The following PLCL1 variants were observed in gnomAD, a reference collection of about 807,000 sequenced individuals.
PLCL1 encodes the protein inactive phospholipase C-like protein 1.
In PLCL1, 41 loss-of-function variants were observed where a neutral mutation model predicts 84.4. That is an observed-to-expected ratio of 0.49 (90% CI 0.38 to 0.63). The LOEUF (loss-of-function observed/expected upper bound fraction) is 0.63, where lower values mean the gene tolerates loss of function less well. Ranked by LOEUF, PLCL1 falls within the 30% of genes least tolerant of loss-of-function variation. PLCL1 has a pLI of 0.00. For synonymous variants in PLCL1, 490 were observed against 488.3 expected, an observed-to-expected ratio of 1.00 and a Z score of -0.05; for missense variants, 1,206 against 1,367.8, an observed-to-expected ratio of 0.88 and a Z score of 1.87.
At chr2:197,977,725 G>A (rs1203608095) in intron 1 of PLCL1, among the ~76,000 whole-genome samples, 1 of 152,110 alleles carries the variant, frequency 6.6e-6, no homozygotes, top group African/African-American at 2.4e-5. Context: ...CCTCTAGTGG[G>A]TCCCTGAAGT....
chr2:197,915,420 A>G (rs1688576506), intron 1 of PLCL1, among the ~76,000 whole-genome samples: 1 of 152,110 alleles, frequency 6.6e-6, no homozygotes, highest in African/African-American at 2.4e-5. Context: ...TCAAGTGTGA[A>G]AGAGAGGAAG....
chr2:198,084,198 G>A lies in PLCL1; in HGVS notation c.681G>A (p.Gln227=), dbSNP rs1202110274. 5.6e-6 allele frequency: 9 copies of A among 1,614,128 alleles called. No homozygotes were observed. The highest frequency in any genetic ancestry group is 7.6e-6 in the Non-Finnish European group (9 of 1,179,996). ...GGTACCTGGTTTCTCGAAGTAAGCA[G>A]CCTCTTGATTTTATGGAGGGCAACC... ...GLRYLVSRSK[Q]PLDFMEGNQN... is the part of the protein sequence containing the mutation. Residue 227 remains glutamine, a synonymous_variant, in exon 2 of 6, where the codon CAG becomes CAA. Coordinates refer to ENST00000428675, the MANE Select transcript of PLCL1 (RefSeq NM_006226.4).
rs891995142 is a variant in PLCL1, at chr2:198,060,779, A to AT, written c.241-22971dup. ...CTGTTTGTTTAAAGAAATAATGTTG[A>AT]TTTTTTTTGTTATAAAATAGTGGTA... is the stretch of plus-strand genomic sequence containing the variant. On this transcript the variant is annotated intron_variant, in intron 1 of 5. Transcript: ENST00000428675. Among the ~76,000 whole-genome samples the AT allele has an allele frequency of 1.1e-4, 16 of 152,064 alleles. 1 individual carries two copies. The South Asian group carries it at 2.7e-3, about 26-fold the overall frequency.
chr2:197,879,755 TCTC>T (rs912984156), intron 1 of PLCL1, among the ~76,000 whole-genome samples: 15 of 152,126 alleles, frequency 9.9e-5, no homozygotes, highest in Non-Finnish European at 1.6e-4. Context: ...TATGGATAAA[TCTC>T]CTTGCCAAAA....
intron 1 of PLCL1, among the ~76,000 whole-genome samples, chr2:197,953,489 A>C (rs768863547): frequency 1.3e-4 from 20 of 152,042 alleles, no homozygotes; most frequent in Non-Finnish European, 2.9e-4. Context: ...GGCTGAGTGC[A>C]AGTTGCTTGT....
intron 1 of PLCL1, among the ~76,000 whole-genome samples, chr2:198,079,267 T>C (rs1692652434): frequency 6.6e-6 from 1 of 151,456 alleles, no homozygotes; most frequent in South Asian, 2.1e-4. Context: ...ATAAAATTAT[T>C]AAATATTTTA....
chr2:198,137,486 G>C (rs1192077045), intron 5 of PLCL1, among the ~76,000 whole-genome samples: 2 of 152,184 alleles, frequency 1.3e-5, no homozygotes, highest in Non-Finnish European at 2.9e-5. Context: ...AAAATGGAAT[G>C]TATTAGGCAA....
chr2:197,836,575 A>G (rs1691194831), intron 1 of PLCL1, among the ~76,000 whole-genome samples: 1 of 150,518 alleles, frequency 6.6e-6, no homozygotes, highest in Admixed American at 6.6e-5. Flanking sequence ...AATTTTTGTT[A>G]GCTCTGTTAA....
intron 1 of PLCL1, among the ~76,000 whole-genome samples, chr2:197,899,636 T>TC (rs1559039380): frequency 6.3e-5 from 1 of 15,852 alleles, no homozygotes; most frequent in South Asian, 1.5e-3. Flanking sequence ...GAGTTCTTTC[T>TC]TTCTTTTTTT....
chr2:198,032,761 A>G (rs1438195805), intron 1 of PLCL1, among the ~76,000 whole-genome samples: 1 of 152,198 alleles, frequency 6.6e-6, no homozygotes, highest in Non-Finnish European at 1.5e-5. Flanking sequence ...TATAAGATCA[A>G]ATAAGAACAT....
intron 1 of PLCL1, among the ~76,000 whole-genome samples, chr2:198,037,264 T>C (rs1455097108): frequency 2.0e-5 from 3 of 152,162 alleles, no homozygotes; most frequent in East Asian, 1.9e-4. Flanking sequence ...GAAGTACTTA[T>C]AGTGATTGCT....
intron 3 of PLCL1, among the ~76,000 whole-genome samples, chr2:198,091,246 A>G (rs1275000211): frequency 6.6e-6 from 1 of 152,134 alleles, no homozygotes; most frequent in Non-Finnish European, 1.5e-5. Context: ...TGTAATGATG[A>G]TATTGGCCTT....
chr2:197,981,270 T>G (rs990333386), intron 1 of PLCL1, among the ~76,000 whole-genome samples: 1 of 152,184 alleles, frequency 6.6e-6, no homozygotes, highest in Non-Finnish European at 1.5e-5. Context: ...TTACCTCATT[T>G]GTACTCACTA....
intron 1 of PLCL1, among the ~76,000 whole-genome samples, chr2:197,959,115 T>C (rs1277392141): frequency 6.6e-6 from 1 of 152,046 alleles, no homozygotes; most frequent in African/African-American, 2.4e-5. Flanking sequence ...GCCAAATCAC[T>C]TGTATTCGTC....
chr2:198,092,304 C>T (rs979392645), intron 3 of PLCL1, among the ~76,000 whole-genome samples: 2 of 152,210 alleles, frequency 1.3e-5, no homozygotes, highest in African/African-American at 4.8e-5. Flanking sequence ...TCATCTGCTT[C>T]TCCAGCCTCA....
rs6754082 is a variant in PLCL1 at position 197,928,628 on chromosome 2, A to C, written c.240+123289A>C. Reference sequence around the variant, plus strand: ...TTGGACTGGATCCCACAATTCTAAAAGTATTTATGAAAACAATATGATGAA... The same window carrying C: ...TTGGACTGGATCCCACAATTCTAAACGTATTTATGAAAACAATATGATGAA... On this transcript the variant is annotated intron_variant, in intron 1 of 5. Coordinates refer to ENST00000428675, the MANE Select transcript of PLCL1 (RefSeq NM_006226.4). 3.5e-3 allele frequency among the ~76,000 whole-genome samples: 527 copies of C among 152,310 alleles called. 4 individuals carry two copies. Among genetic ancestry groups the C allele is most frequent in the African/African-American group, 0.012 (489 of 41,572 alleles).
intron 1 of PLCL1, among the ~76,000 whole-genome samples, chr2:198,050,518 AC>A (rs1398727075): frequency 7.1e-6 from 1 of 140,584 alleles, no homozygotes; most frequent in Admixed American, 7.3e-5. Flanking sequence ...CATTTTGGGA[AC>A]CTTGAGATTG....
chr2:198,034,102 C>T (rs1022723040), intron 1 of PLCL1, among the ~76,000 whole-genome samples: 2 of 152,090 alleles, frequency 1.3e-5, no homozygotes, highest in African/African-American at 4.8e-5. Flanking sequence ...CCCATTAACT[C>T]GTCATTTACG....
intron 1 of PLCL1, among the ~76,000 whole-genome samples, chr2:197,988,670 G>A (rs774809337): frequency 6.6e-6 from 1 of 152,144 alleles, no homozygotes; most frequent in Non-Finnish European, 1.5e-5. Context: ...TGTGAATTGT[G>A]CTGCAATAAA....
Sources: gnomAD v4.1 joint callset for allele counts (sites outside exome capture counted in the v4.1 genomes callset) on GRCh38, gnomAD v4.1.1 for gene constraint, MANE v1.5 for transcripts, NCBI Gene and HGNC (gene_info 2026-07-23, HGNC 2026-07-21) for gene names.